CREBRF: variants seen among roughly 807,000 people sequenced by gnomAD.
CREBRF encodes the protein UPF0474 protein C5orf41.
In CREBRF, 5 loss-of-function variants were observed where a neutral mutation model predicts 66.1. The ratio of observed to expected loss-of-function variants is 0.08; its 90% CI spans 0.04 to 0.16. The LOEUF (loss-of-function observed/expected upper bound fraction) is 0.16, where lower values mean the gene tolerates loss of function less well. CREBRF is among the 10% of genes least tolerant of loss of function. The pLI, the probability that CREBRF is intolerant of heterozygous loss-of-function variation, is 1.00. For missense variants in CREBRF, 531 were observed against 744.9 expected, an observed-to-expected ratio of 0.71 and a Z score of 3.34; for synonymous variants, 229 against 264.4, an observed-to-expected ratio of 0.87 and a Z score of 1.30.
chr5:173,123,390 A>C (rs1203344335), intron 8 of CREBRF, 188 bp downstream of exon 8: 1 of 504,216 alleles, frequency 2.0e-6, no homozygotes, highest in African/African-American at 2.1e-5. Context: ...GGTGACCACA[A>C]CTTGTAATTT....
chr5:173,098,367 T>G (rs1027152734), intron 4 of CREBRF, among the ~76,000 whole-genome samples: 4 of 152,152 alleles, frequency 2.6e-5, no homozygotes, highest in African/African-American at 9.6e-5. Flanking sequence ...TTTGTATTTT[T>G]TAGTAGAGAT....
At chr5:173,128,736 T>C (rs896182714) in intron 8 of CREBRF, among the ~76,000 whole-genome samples, 1 of 152,100 alleles carries the variant, frequency 6.6e-6, no homozygotes, top group Non-Finnish European at 1.5e-5. Flanking sequence ...TTCCTTTGTC[T>C]ACTCTTTTAT....
chr5:173,105,102 C>G (rs1254324785), intron 4 of CREBRF, among the ~76,000 whole-genome samples: 1 of 152,176 alleles, frequency 6.6e-6, no homozygotes, highest in African/African-American at 2.4e-5. Flanking sequence ...AGCTAACAAC[C>G]TCCTTCCTAA....
chr5:173,076,019 G>C (rs951508024), intron 1 of CREBRF, among the ~76,000 whole-genome samples: 1 of 130,534 alleles, frequency 7.7e-6, no homozygotes, highest in Non-Finnish European at 1.5e-5. Flanking sequence ...CCATGAATTC[G>C]AGACCAACCT....
intron 1 of CREBRF, among the ~76,000 whole-genome samples, chr5:173,070,340 G>A (rs72814198): frequency 0.038 from 5,718 of 152,098 alleles, 152 homozygotes; most frequent in South Asian, 0.095. Flanking sequence ...TTTTTATGCC[G>A]CTGCCATTAA....
At chr5:173,075,028 C>T (rs1419540134) in intron 1 of CREBRF, among the ~76,000 whole-genome samples, 1 of 152,178 alleles carries the variant, frequency 6.6e-6, no homozygotes, top group Non-Finnish European at 1.5e-5. Flanking sequence ...CAGATTCTTA[C>T]AAGGTCATTA....
intron 5 of CREBRF, chr5:173,110,316 C>G (rs1177263081): frequency 1.3e-5 from 9 of 667,992 alleles, no homozygotes; most frequent in Admixed American, 2.1e-5. Context: ...GCCATATCAC[C>G]CCCATTTCCT....
chr5:173,059,265 C>CTTTTTTTTTTTTT (rs60946984), intron 1 of CREBRF, among the ~76,000 whole-genome samples: 6 of 65,580 alleles, frequency 9.1e-5, no homozygotes, highest in Non-Finnish European at 1.6e-4. Flanking sequence ...TCTTTTTTTT[C>CTTTTTTTTTTTTT]TTTTTTTTTT....
intron 1 of CREBRF, among the ~76,000 whole-genome samples, chr5:173,069,541 C>CG (rs1757539031): frequency 6.6e-6 from 1 of 151,756 alleles, no homozygotes. Flanking sequence ...AGGCTGGTCT[C>CG]GAACTCCTGG....
Position 173,087,010 on chromosome 5 carries a change from G to T in CREBRF, c.135+384G>T, listed in dbSNP as rs541818651. ...TGCCCAGGCTGGAGTGCAGTGGTGC[G>T]ATCTCGGCTCACTGCAACCTCCATC... On this transcript the variant is annotated intron_variant, in intron 3 of 8. Coordinates refer to ENST00000296953, the MANE Select transcript of CREBRF (RefSeq NM_153607.3). Among the ~76,000 whole-genome samples the T allele has an allele frequency of 2.0e-5, 3 of 149,990 alleles. No homozygotes were observed. In the East Asian group the frequency reaches 5.9e-4, roughly 30 times the overall value.
chr5:173,120,683 CTTTTTTTTTTTTT>C (rs70984942), intron 7 of CREBRF, among the ~76,000 whole-genome samples: 2 of 51,218 alleles, frequency 3.9e-5, no homozygotes, highest in Non-Finnish European at 7.6e-5. Flanking sequence ...GCCTGAGCCT[CTTTTTTTTTTTTT>C]TTTTTTTTTT....
chr5:173,096,585 A>G (rs1758484560), intron 4 of CREBRF, among the ~76,000 whole-genome samples: 1 of 141,798 alleles, frequency 7.1e-6, no homozygotes, highest in Non-Finnish European at 1.5e-5. Context: ...TAGGACTTCC[A>G]GTATTATCAA....
chr5:173,063,884 G>A (rs1473212684), intron 1 of CREBRF, among the ~76,000 whole-genome samples: 1 of 150,288 alleles, frequency 6.7e-6, no homozygotes, highest in East Asian at 2.0e-4. Flanking sequence ...ACCATGCCCG[G>A]CTAATTTTTA....
chr5:173,096,113 T>C (rs1393772382), intron 4 of CREBRF, among the ~76,000 whole-genome samples: 1 of 151,988 alleles, frequency 6.6e-6, no homozygotes, highest in East Asian at 1.9e-4. Context: ...GGACTACAGG[T>C]GCCTGCCACC....
chr5:173,064,995 C>G (rs1199675683), intron 1 of CREBRF, among the ~76,000 whole-genome samples: 1 of 152,190 alleles, frequency 6.6e-6, no homozygotes, highest in East Asian at 1.9e-4. Context: ...AGGTGTGAGC[C>G]ACTGTACCTA....
At chr5:173,118,698 T>TA (rs1376867479) in intron 7 of CREBRF, among the ~76,000 whole-genome samples, 1 of 151,966 alleles carries the variant, frequency 6.6e-6, no homozygotes, top group Non-Finnish European at 1.5e-5. Flanking sequence ...GTTTCATTGA[T>TA]ACATTTATCT....
At chr5:173,077,426 C>T (rs908191416) in intron 1 of CREBRF, among the ~76,000 whole-genome samples, 1 of 152,028 alleles carries the variant, frequency 6.6e-6, no homozygotes, top group Non-Finnish European at 1.5e-5. Flanking sequence ...CCGAGTTTCA[C>T]TCTGTTGCCC....
rs1261038503 is a variant in CREBRF, at chr5:173,063,797, CT to C, written c.-192+7319del. ...GAGTGCAGTGGTGTAATCTCTGCCC[CT>C]GCGACCTTCGCATCCTGGGTTCAAG... On this transcript the variant is annotated intron_variant, in intron 1 of 8. Coordinates refer to ENST00000296953, the MANE Select transcript of CREBRF (RefSeq NM_153607.3). Among the ~76,000 whole-genome samples, 9 of 152,088 alleles carry C rather than the reference CT, an allele frequency of 5.9e-5. No individual in the cohort carries two copies. The East Asian group carries it at 1.7e-3, about 29-fold the overall frequency.
chr5:173,109,125 T>C (rs1038270950), intron 5 of CREBRF: 2 of 265,038 alleles, frequency 7.5e-6, no homozygotes, highest in East Asian at 1.6e-4. Context: ...CCTGTCACAG[T>C]TGGTATAACC....
Sources: gnomAD v4.1 joint callset for allele counts (sites outside exome capture counted in the v4.1 genomes callset) on GRCh38, gnomAD v4.1.1 for gene constraint, MANE v1.5 for transcripts, NCBI Gene and HGNC (gene_info 2026-07-23, HGNC 2026-07-21) for gene names.